Variants in FGF14 observed in about 807,000 individuals in gnomAD.
FGF14 encodes the protein fibroblast growth factor homologous factor 4.
A neutral mutation model predicts 25.5 loss-of-function variants in FGF14; 5 were observed. The ratio of observed to expected loss-of-function variants is 0.20; its 90% confidence interval spans 0.10 to 0.41. FGF14 has a LOEUF of 0.41. Ranked by LOEUF, FGF14 falls within the 10% of genes least tolerant of loss-of-function variation. The pLI is 1.00. For missense variants in FGF14, 222 were observed against 320.1 expected, an observed-to-expected ratio of 0.69 and a Z score of 2.34; for synonymous variants, 138 against 118.3, an observed-to-expected ratio of 1.17 and a Z score of -1.08.
chr13:102,031,960 C>G (rs181765952), intron 1 of FGF14, among the ~76,000 whole-genome samples: 47 of 152,218 alleles, frequency 3.1e-4, no homozygotes, highest in Non-Finnish European at 6.2e-4. Context: ...ACTTTTCTAA[C>G]ATTACAAATC....
At chr13:102,133,300 A>G (rs2046277168) in intron 1 of FGF14, among the ~76,000 whole-genome samples, 1 of 152,230 alleles carries the variant, frequency 6.6e-6, no homozygotes, top group African/African-American at 2.4e-5. Flanking sequence ...GCTTCTCCTA[A>G]TTAAACAAGT....
intron 3 of FGF14, among the ~76,000 whole-genome samples, chr13:101,793,777 C>G (rs576341185): frequency 2.0e-5 from 3 of 152,004 alleles, no homozygotes; most frequent in Non-Finnish European, 4.4e-5. Flanking sequence ...CGCACCTGAC[C>G]CCCTAAATAT....
chr13:101,860,712 G>C (rs148767214), intron 3 of FGF14, among the ~76,000 whole-genome samples: 1 of 152,106 alleles, frequency 6.6e-6, no homozygotes, highest in East Asian at 1.9e-4. Flanking sequence ...AAAGCACTGG[G>C]ATTATAGGCA....
chr13:102,300,974 TAAC>T (rs35405719), intron 1 of FGF14, among the ~76,000 whole-genome samples: 23,436 of 150,958 alleles, frequency 0.16, 2,207 homozygotes, highest in East Asian at 0.38. Context: ...CGTTTAACCT[TAAC>T]AACATTTCAA....
chr13:102,048,519 C>T (rs143046857), intron 1 of FGF14, among the ~76,000 whole-genome samples: 1 of 152,252 alleles, frequency 6.6e-6, no homozygotes, highest in East Asian at 1.9e-4. Flanking sequence ...CTTAGAAGTT[C>T]AGTGACTTGC....
intron 1 of FGF14, chr13:102,373,745 T>A (rs1335702431): frequency 1.3e-5 from 2 of 152,164 alleles, no homozygotes. Context: ...TAAACACAAG[T>A]CAAACTTTGG....
chr13:102,359,853 TAA>T (rs34833298), intron 1 of FGF14, among the ~76,000 whole-genome samples: 121 of 140,824 alleles, frequency 8.6e-4, no homozygotes, highest in African/African-American at 2.5e-3. Context: ...AACTTTATGT[TAA>T]AAAAAAAAAA....
At chr13:102,162,562 C>G (rs771416017) in intron 1 of FGF14, among the ~76,000 whole-genome samples, 5 of 152,140 alleles carry the variant, frequency 3.3e-5, no homozygotes, top group Non-Finnish European at 5.9e-5. Context: ...CCTAAAGTAT[C>G]AAGTTTATAA....
intron 3 of FGF14, among the ~76,000 whole-genome samples, chr13:101,753,300 C>CACACAG (rs1555375318): frequency 2.2e-4 from 2 of 9,064 alleles, no homozygotes; most frequent in Non-Finnish European, 5.3e-4. Context: ...CACAGACAGA[C>CACACAG]ACACACACAC....
chr13:102,187,086 G>A (rs149365041), intron 1 of FGF14, among the ~76,000 whole-genome samples: 2 of 152,278 alleles, frequency 1.3e-5, no homozygotes, highest in Admixed American at 6.5e-5. Context: ...CACAAGCAAC[G>A]CCTCGGTTAC....
intron 3 of FGF14, among the ~76,000 whole-genome samples, chr13:101,785,994 C>T (rs2039801086): frequency 6.6e-6 from 1 of 152,194 alleles, no homozygotes; most frequent in Admixed American, 6.5e-5. Flanking sequence ...CCTTCTCTGC[C>T]ATCTGGCATG....
intron 1 of FGF14, among the ~76,000 whole-genome samples, chr13:102,250,934 C>T (rs1159368466): frequency 6.6e-6 from 1 of 152,100 alleles, no homozygotes; most frequent in Admixed American, 6.6e-5. Context: ...TTCTGCAAAT[C>T]TTTGCTTAGC....
chr13:102,168,338 T>C (rs1315175126), intron 1 of FGF14, among the ~76,000 whole-genome samples: 2 of 152,072 alleles, frequency 1.3e-5, no homozygotes, highest in South Asian at 2.1e-4. Context: ...CCACCATCCC[T>C]GGCTAATTTT....
intron 1 of FGF14, among the ~76,000 whole-genome samples, chr13:102,364,163 TCAACAGGACAAA>T (rs2057644551): frequency 6.6e-6 from 1 of 152,210 alleles, no homozygotes; most frequent in Non-Finnish European, 1.5e-5. Flanking sequence ...TAAGTCAATT[TCAACAGGACAAA>T]TGTGCACATC....
At chr13:102,109,141 T>C (rs2045085474) in intron 1 of FGF14, among the ~76,000 whole-genome samples, 1 of 152,158 alleles carries the variant, frequency 6.6e-6, no homozygotes, top group Non-Finnish European at 1.5e-5. Context: ...TCCCCAGAAG[T>C]TTGCTTCTGA....
intron 3 of FGF14, among the ~76,000 whole-genome samples, chr13:101,821,998 T>G (rs553804971): frequency 6.6e-6 from 1 of 152,240 alleles, no homozygotes; most frequent in Non-Finnish European, 1.5e-5. Flanking sequence ...GGAACAGTTC[T>G]GAATTTTAAG....
rs370483247 is a variant in FGF14, at chr13:102,289,926, T to C, written c.208+111545A>G. On this transcript the variant is annotated intron_variant, in intron 1 of 4. Coordinates refer to the FGF14 transcript ENST00000376131. Reference sequence around the variant, plus strand: ...CTCTCTCTCTCTGCCTTTCTCTCTCTCTTTCTTTCTAAGATTCTAGTGAAG... The same window carrying C: ...CTCTCTCTCTCTGCCTTTCTCTCTCCCTTTCTTTCTAAGATTCTAGTGAAG... Among the ~76,000 whole-genome samples, 11 of 152,248 alleles carry C rather than the reference T, an allele frequency of 7.2e-5. No individual in the cohort carries two copies. The South Asian group carries it at 8.3e-4, about 11-fold the overall frequency.
chr13:101,715,798 C>A lies in FGF14; in HGVS notation c.*7033G>T. ...CTATTTCTGAATTACGAATGAAATC[C>A]GAGTACCTATTAGAAATGAGTTATG... On this transcript the variant is annotated 3_prime_UTR_variant, in exon 5 of 5. Transcript: ENST00000376143. 1 of 536,120 alleles carries A rather than the reference C, an allele frequency of 1.9e-6. No homozygotes were observed. The allele number at this position is 536,120 out of a possible 1,614,324, so 33.2% of individuals were successfully genotyped here. A position where few individuals can be genotyped will look rare whatever the true frequency, so the allele number is the denominator to read the frequency against.
At chr13:102,355,522 T>C (rs2057396431) in intron 1 of FGF14, among the ~76,000 whole-genome samples, 1 of 150,362 alleles carries the variant, frequency 6.7e-6, no homozygotes, top group Admixed American at 6.7e-5. Context: ...TTTGACACAG[T>C]AGGAATGTTT....
Sources: gnomAD v4.1 joint callset for allele counts (sites outside exome capture counted in the v4.1 genomes callset) on GRCh38, gnomAD v4.1.1 for gene constraint, MANE v1.5 for transcripts, NCBI Gene and HGNC (gene_info 2026-07-23, HGNC 2026-07-21) for gene names.